Variants in AKT3 observed in about 807,000 individuals in gnomAD.
AKT3 encodes the protein RAC-gamma serine/threonine-protein kinase.
Under a neutral mutation model 65.3 loss-of-function variants are expected in AKT3, and 15 were observed. That is an observed-to-expected ratio of 0.23 (90% CI 0.15 to 0.35). The LOEUF (loss-of-function observed/expected upper bound fraction) is 0.35, where lower values mean the gene tolerates loss of function less well. AKT3 is among the 10% of genes least tolerant of loss of function. The probability of loss-of-function intolerance (pLI) is 1.00; values close to 1 mark genes in which losing one functional copy is unlikely to be tolerated. For synonymous variants in AKT3, 206 were observed against 183.8 expected (o/e 1.12, Z -0.98); for missense variants, 243 against 576.5 (o/e 0.42, Z 5.92).
chr1:243,689,003 C>G (rs1316164827), intron 3 of AKT3, among the ~76,000 whole-genome samples: 2 of 152,114 alleles, frequency 1.3e-5, no homozygotes, highest in Non-Finnish European at 2.9e-5. Flanking sequence ...TCATGTTAAC[C>G]CCATCTCCTG....
intron 2 of AKT3, among the ~76,000 whole-genome samples, chr1:243,790,869 C>T (rs902844268): frequency 3.3e-5 from 5 of 152,202 alleles, no homozygotes; most frequent in Non-Finnish European, 5.9e-5. Flanking sequence ...AGAACATACA[C>T]ATTTATTAAG....
At chr1:243,524,187 T>G (rs963839100) in intron 12 of AKT3, among the ~76,000 whole-genome samples, 1 of 152,222 alleles carries the variant, frequency 6.6e-6, no homozygotes, top group Non-Finnish European at 1.5e-5. Context: ...ACCACTGTGG[T>G]ATATGCGGTG....
chr1:243,627,366 A>G (rs1301472365), intron 6 of AKT3, among the ~76,000 whole-genome samples: 1 of 151,754 alleles, frequency 6.6e-6, no homozygotes, highest in Non-Finnish European at 1.5e-5. Context: ...ATACTGATTG[A>G]TCTTGAAAAT....
chr1:243,595,244 T>A lies in AKT3; in HGVS notation c.696+18427A>T, dbSNP rs191547195. Among the ~76,000 whole-genome samples, 35 of 152,178 alleles carry A rather than the reference T, an allele frequency of 2.3e-4. 1 individual carries two copies. Among genetic ancestry groups the A allele is most frequent in the Admixed American group, 1.6e-3 (25 of 15,286 alleles). ...AATGATATTTGCACATCTAAACACA[T>A]CTAGAAAAGTACAGTAAAAATATGA... is the stretch of plus-strand genomic sequence containing the variant. On this transcript the variant is annotated intron_variant, in intron 8 of 13. Transcript: ENST00000673466.
intron 9 of AKT3, among the ~76,000 whole-genome samples, chr1:243,570,772 T>A (rs1025131736): frequency 6.6e-6 from 1 of 152,210 alleles, no homozygotes; most frequent in African/African-American, 2.4e-5. Flanking sequence ...TTTTTCTAGG[T>A]GTACCTTTAC....
chr1:243,514,043 G>A (rs1277344823), intron 12 of AKT3, among the ~76,000 whole-genome samples: 2 of 152,148 alleles, frequency 1.3e-5, no homozygotes, highest in African/African-American at 4.8e-5. Context: ...AACCAAGGGG[G>A]TAATTGCCCC....
chr1:243,830,371 T>C (rs1694427792), intron 2 of AKT3, among the ~76,000 whole-genome samples: 1 of 152,220 alleles, frequency 6.6e-6, no homozygotes, highest in African/African-American at 2.4e-5. Context: ...CCCCCGTGGA[T>C]ACTGGGGGAC....
At chr1:243,720,990 G>C (rs1686860194) in intron 2 of AKT3, among the ~76,000 whole-genome samples, 1 of 152,120 alleles carries the variant, frequency 6.6e-6, no homozygotes, top group African/African-American at 2.4e-5. Flanking sequence ...ATCAGAAGCA[G>C]CCTCAGAACC....
chr1:243,659,368 ATACTC>A (rs1462815100), intron 4 of AKT3, among the ~76,000 whole-genome samples: 1 of 152,198 alleles, frequency 6.6e-6, no homozygotes, highest in Non-Finnish European at 1.5e-5. Context: ...ATAGTTAACA[ATACTC>A]TATTATACCC....
At chr1:243,787,905 C>G (rs1422407642) in intron 2 of AKT3, among the ~76,000 whole-genome samples, 1 of 152,168 alleles carries the variant, frequency 6.6e-6, no homozygotes, top group East Asian at 1.9e-4. Context: ...CACTGCCACT[C>G]TCTTCCCCAC....
chr1:243,733,724 A>C (rs1344253899), intron 2 of AKT3, among the ~76,000 whole-genome samples: 1 of 152,204 alleles, frequency 6.6e-6, no homozygotes, highest in African/African-American at 2.4e-5. Context: ...TTTACACTAC[A>C]CTATAGTCTA....
At chr1:243,649,301 T>C (rs1681085222) in intron 4 of AKT3, among the ~76,000 whole-genome samples, 1 of 138,004 alleles carries the variant, frequency 7.2e-6, no homozygotes, top group South Asian at 2.5e-4. Context: ...ACCAAGAATA[T>C]GTTATGTGTA....
At chr1:243,789,640 T>C (rs1691493336) in intron 2 of AKT3, among the ~76,000 whole-genome samples, 1 of 152,220 alleles carries the variant, frequency 6.6e-6, no homozygotes, top group Non-Finnish European at 1.5e-5. Flanking sequence ...CCATGATTCA[T>C]GAATGTTCTT....
At chr1:243,801,324 A>T (rs1692369045) in intron 2 of AKT3, among the ~76,000 whole-genome samples, 1 of 152,236 alleles carries the variant, frequency 6.6e-6, no homozygotes, top group Admixed American at 6.5e-5. Context: ...AGAAAAAAAG[A>T]TAATTCAAAT....
At chr1:243,838,547 G>A (rs1273860931) in intron 2 of AKT3, among the ~76,000 whole-genome samples, 1 of 151,984 alleles carries the variant, frequency 6.6e-6, no homozygotes, top group Non-Finnish European at 1.5e-5. Flanking sequence ...CCTGGACTTA[G>A]ATAAACACTC....
At chr1:243,642,517 G>C (rs546501559) in intron 5 of AKT3, among the ~76,000 whole-genome samples, 3 of 152,034 alleles carry the variant, frequency 2.0e-5, no homozygotes, top group South Asian at 4.2e-4. Flanking sequence ...CACCGTGTTA[G>C]CCAGGATGGT....
downstream of AKT3, among the ~76,000 whole-genome samples, chr1:243,496,962 C>A (rs917687918): frequency 1.3e-5 from 2 of 152,352 alleles, no homozygotes; most frequent in Admixed American, 6.5e-5. Flanking sequence ...CTGTCGCCCC[C>A]CTCTGAGCTG....
intron 4 of AKT3, among the ~76,000 whole-genome samples, chr1:243,658,480 C>T (rs763651879): frequency 6.6e-6 from 1 of 152,018 alleles, no homozygotes; most frequent in Non-Finnish European, 1.5e-5. Context: ...TAAGTGTCAG[C>T]AAGGATGTGG....
intron 4 of AKT3, among the ~76,000 whole-genome samples, chr1:243,659,292 T>C (rs561291617): frequency 6.6e-6 from 1 of 152,272 alleles, no homozygotes; most frequent in East Asian, 1.9e-4. Flanking sequence ...TACTGTTCAA[T>C]GGGAACAGAG....
Sources: allele counts gnomAD v4.1 joint callset (sites outside exome capture counted in the v4.1 genomes callset), GRCh38; gene constraint gnomAD v4.1.1; transcripts MANE v1.5; gene names NCBI Gene and HGNC (gene_info 2026-07-23, HGNC 2026-07-21).